The following OTUD7B variants were observed in gnomAD, a reference collection of about 807,000 sequenced individuals.
OTUD7B encodes the protein OTU deubiquitinase 7B, also known as OTU domain-containing protein 7B.
In OTUD7B, 34 loss-of-function variants were observed where a neutral mutation model predicts 82.2. The ratio of observed to expected loss-of-function variants is 0.41; its 90% CI spans 0.31 to 0.55. The LOEUF is 0.55. OTUD7B is among the 20% of genes least tolerant of loss of function. The pLI, the probability that OTUD7B is intolerant of heterozygous loss-of-function variation, is 0.20. For missense variants in OTUD7B, 944 were observed against 1,062.1 expected (o/e 0.89, Z 1.55); for synonymous variants, 398 against 402.7 (o/e 0.99, Z 0.14).
the OTUD7B span, among the ~76,000 whole-genome samples, chr1:150,034,624 C>T: frequency 6.6e-6 from 1 of 152,208 alleles, no homozygotes; most frequent in Non-Finnish European, 1.5e-5. Context: ...TGTGAAGCAG[C>T]TCAACCCTCT....
chr1:150,051,756 C>A, the OTUD7B span, among the ~76,000 whole-genome samples: 1 of 152,176 alleles, frequency 6.6e-6, no homozygotes, highest in African/African-American at 2.4e-5. Context: ...TTATTTACTA[C>A]TATTATTAAG....
chr1:150,061,640 G>A, the OTUD7B span, among the ~76,000 whole-genome samples: 1 of 152,212 alleles, frequency 6.6e-6, no homozygotes. Context: ...ATAGCCAGCA[G>A]TGACCTGCCC....
the OTUD7B span, among the ~76,000 whole-genome samples, chr1:150,063,776 T>A: frequency 6.6e-6 from 1 of 152,248 alleles, no homozygotes; most frequent in Admixed American, 6.5e-5. Context: ...ATGCTTTTGC[T>A]ACCATAAAGC....
At chr1:150,026,661 G>C in the OTUD7B span, among the ~76,000 whole-genome samples, 9 of 152,212 alleles carry the variant, frequency 5.9e-5, no homozygotes, top group African/African-American at 1.9e-4. Context: ...AAATATATAA[G>C]CCCAGGGCTA....
chr1:149,958,180 T>C (rs1266928601), intron 7 of OTUD7B, among the ~76,000 whole-genome samples: 1 of 152,146 alleles, frequency 6.6e-6, no homozygotes, highest in African/African-American at 2.4e-5. Context: ...CAATCTTGTT[T>C]TACTACACCT....
chr1:149,973,097 C>T (rs1650043339), intron 2 of OTUD7B, among the ~76,000 whole-genome samples: 1 of 152,172 alleles, frequency 6.6e-6, no homozygotes, highest in African/African-American at 2.4e-5. Context: ...ATTTTTATTG[C>T]CACTGCCCCA....
chr1:149,956,503 T>C (rs1648684384), intron 7 of OTUD7B, among the ~76,000 whole-genome samples: 1 of 152,156 alleles, frequency 6.6e-6, no homozygotes, highest in Non-Finnish European at 1.5e-5. Context: ...AATCTGACAA[T>C]TATGTATTTC....
intron 7 of OTUD7B, among the ~76,000 whole-genome samples, chr1:149,953,480 G>A (rs587754158): frequency 3.9e-5 from 6 of 152,228 alleles, no homozygotes; most frequent in South Asian, 2.1e-4. Context: ...GTCAGGTAGC[G>A]TGATGCCTCC....
At chr1:149,998,793 A>C (rs1652081648) in intron 1 of OTUD7B, among the ~76,000 whole-genome samples, 1 of 152,364 alleles carries the variant, frequency 6.6e-6, no homozygotes, top group Non-Finnish European at 1.5e-5. Context: ...TAAACTGTTG[A>C]CAGTAACTAC....
intron 7 of OTUD7B, among the ~76,000 whole-genome samples, chr1:149,950,852 C>T (rs587691784): frequency 5.0e-5 from 7 of 139,542 alleles, no homozygotes; most frequent in East Asian, 2.1e-4. Context: ...GGAGCAGTGG[C>T]GCGATCTCGG....
chr1:150,067,140 C>T, the OTUD7B span: 1 of 152,294 alleles, frequency 6.6e-6, no homozygotes. Context: ...GCCTTTCCCC[C>T]AGAAACATCC....
intron 4 of OTUD7B, 57 bp downstream of exon 4, chr1:149,967,237 G>T: frequency 7.9e-7 from 1 of 1,262,474 alleles, no homozygotes. Context: ...CCCTCCACAA[G>T]GCTGCCTGTA....
chr1:150,029,485 C>A, the OTUD7B span, among the ~76,000 whole-genome samples: 1 of 152,062 alleles, frequency 6.6e-6, no homozygotes, highest in South Asian at 2.1e-4. Flanking sequence ...CATTTATGAC[C>A]CTATTGCTTA....
chr1:150,015,460 A>G (rs1553788270), upstream of OTUD7B, among the ~76,000 whole-genome samples: 2 of 151,420 alleles, frequency 1.3e-5, no homozygotes, highest in Non-Finnish European at 2.9e-5. Flanking sequence ...CGCGTGGCTA[A>G]TTTTTGTACT....
the OTUD7B span, among the ~76,000 whole-genome samples, chr1:150,055,908 A>G: frequency 6.6e-6 from 1 of 152,144 alleles, no homozygotes; most frequent in Non-Finnish European, 1.5e-5. Flanking sequence ...GAGAAGGGAG[A>G]GGAGCAGGAA....
chr1:150,042,673 C>T, the OTUD7B span, among the ~76,000 whole-genome samples: 2 of 152,120 alleles, frequency 1.3e-5, no homozygotes, highest in Non-Finnish European at 2.9e-5. Context: ...CACCCTGCTC[C>T]TTCTTGTAAG....
intron 6 of OTUD7B, chr1:149,963,965 C>T: frequency 2.7e-6 from 1 of 367,494 alleles, no homozygotes; most frequent in Non-Finnish European, 4.9e-6. Flanking sequence ...CCACTAAAAG[C>T]TATAAAGCAC....
chr1:150,021,399 A>G, the OTUD7B span, among the ~76,000 whole-genome samples: 1 of 152,124 alleles, frequency 6.6e-6, no homozygotes, highest in Non-Finnish European at 1.5e-5. Flanking sequence ...GTAAAACTAT[A>G]TTTGGGGAGG....
chr1:150,013,937 A>ATATAT (rs1553787932), upstream of OTUD7B, among the ~76,000 whole-genome samples: 717 of 81,812 alleles, frequency 8.8e-3, 36 homozygotes, highest in Middle Eastern at 0.011. Context: ...AAAAAAAAAT[A>ATATAT]ATATATATAT....
Sources: allele counts gnomAD v4.1 joint callset (sites outside exome capture counted in the v4.1 genomes callset), GRCh38; gene constraint gnomAD v4.1.1; transcripts MANE v1.5; gene names NCBI Gene and HGNC (gene_info 2026-07-23, HGNC 2026-07-21).